The following SEPTIN9 variants were observed in gnomAD, a reference collection of about 807,000 sequenced individuals.
The protein encoded by SEPTIN9 is septin 9.
SEPTIN9 carries 13 observed loss-of-function variants against 56.6 expected under a neutral mutation model. That is an observed-to-expected ratio of 0.23 (90% CI 0.15 to 0.37). SEPTIN9 has a LOEUF of 0.37. Ranked by LOEUF, SEPTIN9 falls within the 10% of genes least tolerant of loss-of-function variation. The pLI is 1.00. For synonymous variants in SEPTIN9, 332 were observed against 334.1 expected (o/e 0.99, Z 0.07); for missense variants, 650 against 823.1 (o/e 0.79, Z 2.57).
chr17:77,358,003 C>T (rs1409611267), intron 2 of SEPTIN9, among the ~76,000 whole-genome samples: 1 of 152,194 alleles, frequency 6.6e-6, no homozygotes, highest in Non-Finnish European at 1.5e-5. Context: ...TGAGGGCTAC[C>T]AGTTACCAAG....
At chr17:77,460,085 C>A (rs2038397662) in intron 3 of SEPTIN9, among the ~76,000 whole-genome samples, 1 of 147,836 alleles carries the variant, frequency 6.8e-6, no homozygotes, top group Admixed American at 6.8e-5. Context: ...CCCCCCCAGG[C>A]CTTACCTCCA....
At chr17:77,430,990 C>CAA (rs144630121) in intron 3 of SEPTIN9, among the ~76,000 whole-genome samples, 6 of 127,020 alleles carry the variant, frequency 4.7e-5, no homozygotes, top group Non-Finnish European at 5.1e-5. Flanking sequence ...TACTCCGTAT[C>CAA]AAAAAAAAAA....
At chr17:77,493,134 C>A (rs312797) in intron 10 of SEPTIN9, 58 bp downstream of exon 10, 1 of 1,366,776 alleles carries the variant, frequency 7.3e-7, no homozygotes, top group Non-Finnish European at 1.0e-6. Flanking sequence ...CTTCTGCTGA[C>A]CCAGAGCCTG....
intron 2 of SEPTIN9, among the ~76,000 whole-genome samples, chr17:77,322,389 G>C (rs2032970023): frequency 6.6e-6 from 1 of 152,248 alleles, no homozygotes; most frequent in African/African-American, 2.4e-5. Context: ...GTGCCTTGAT[G>C]AAAGATGCTT....
intron 3 of SEPTIN9, among the ~76,000 whole-genome samples, chr17:77,448,033 C>T (rs149511889): frequency 4.9e-4 from 74 of 152,252 alleles, no homozygotes; most frequent in African/African-American, 1.6e-3. Flanking sequence ...TGAGAGATGC[C>T]GCTGTGTGTT....
At position 77,317,907 on chromosome 17, in the gene SEPTIN9, C is replaced by T. The variant is rs986141812; in HGVS notation, c.76+10710C>T. Among the ~76,000 whole-genome samples, 12 of 152,046 alleles carry T rather than the reference C, an allele frequency of 7.9e-5. No individual in the cohort carries two copies. Among genetic ancestry groups the T allele is most frequent in the Non-Finnish European group, 1.0e-4 (7 of 67,972 alleles). On this transcript the variant is annotated intron_variant, in intron 2 of 11. Coordinates refer to ENST00000427177, the MANE Select transcript of SEPTIN9 (RefSeq NM_001113491.2). This position sits in a 1 kb window ranked among gnomAD's most constrained non-coding sequence, Gnocchi z 4.2. The stretch of plus-strand genomic sequence containing the variant: ...TTCTACTAAAAATACAAAAATTAGC[C>T]GGACACGGTGGCAGGCGTCTGTAGT...
chr17:77,481,921 C>T (rs2039471293), intron 3 of SEPTIN9: 2 of 587,038 alleles, frequency 3.4e-6, no homozygotes, highest in Non-Finnish European at 6.1e-6. Flanking sequence ...TGGAGCTTTG[C>T]TGGGGAGGCA....
chr17:77,362,994 G>A (rs556927407), intron 2 of SEPTIN9, among the ~76,000 whole-genome samples: 8 of 152,354 alleles, frequency 5.3e-5, no homozygotes, highest in South Asian at 2.1e-4. Context: ...GTGGGGAAGT[G>A]TGAGCCCCTG....
intron 3 of SEPTIN9, among the ~76,000 whole-genome samples, chr17:77,462,281 G>T (rs2038511801): frequency 6.6e-6 from 1 of 152,168 alleles, no homozygotes; most frequent in Non-Finnish European, 1.5e-5. Flanking sequence ...TCTGTCGCAC[G>T]TCCAGGCTGG....
At chr17:77,413,163 G>T (rs2036366249) in intron 3 of SEPTIN9, among the ~76,000 whole-genome samples, 1 of 151,590 alleles carries the variant, frequency 6.6e-6, no homozygotes, top group Admixed American at 6.6e-5. Flanking sequence ...TGCTGGCTTA[G>T]CAAAAACAAT....
At chr17:77,411,894 C>T (rs1464890520) in intron 3 of SEPTIN9, among the ~76,000 whole-genome samples, 2 of 151,938 alleles carry the variant, frequency 1.3e-5, no homozygotes, top group Non-Finnish European at 2.9e-5. Context: ...CTTTGGGAGG[C>T]CAAGGCGGGC....
rs886728417 is a variant in SEPTIN9 at position 77,436,348 on chromosome 17, C to T, written c.721+33645C>T. Among the ~76,000 whole-genome samples the T allele has an allele frequency of 5.9e-5, 9 of 152,364 alleles. No individual in the cohort carries two copies. The South Asian group carries it at 1.0e-3, about 18-fold the overall frequency. ...CATTCCACCGACTTCTGCAGCCCAG[C>T]TGTTCAGAGCGGATCCAGAAGGTGG... On this transcript the variant is annotated intron_variant, in intron 3 of 11. Transcript: ENST00000427177. This position sits in a 1 kb window ranked among gnomAD's most constrained non-coding sequence, Gnocchi z 4.4.
At chr17:77,286,084 T>C (rs1338292287) in intron 1 of SEPTIN9, among the ~76,000 whole-genome samples, 1 of 152,252 alleles carries the variant, frequency 6.6e-6, no homozygotes, top group African/African-American at 2.4e-5. Flanking sequence ...CTCTGGCGCA[T>C]TCAGGGGACC....
chr17:77,345,860 C>T (rs1418016427), intron 2 of SEPTIN9, among the ~76,000 whole-genome samples: 3 of 152,186 alleles, frequency 2.0e-5, no homozygotes, highest in Non-Finnish European at 4.4e-5. Context: ...CGGGGCCTGG[C>T]AGGATGTATG....
At chr17:77,353,625 G>A (rs993712198) in intron 2 of SEPTIN9, among the ~76,000 whole-genome samples, 2 of 152,076 alleles carry the variant, frequency 1.3e-5, no homozygotes, top group Non-Finnish European at 2.9e-5. Context: ...TTGGGGATAT[G>A]TCTACTAGAG....
chr17:77,457,576 A>C lies in SEPTIN9; in HGVS notation c.722-24568A>C, dbSNP rs200406027. 2.3e-3 allele frequency among the ~76,000 whole-genome samples: 352 copies of C among 152,342 alleles called. 12 individuals carry two copies. In the South Asian group the frequency reaches 0.058, roughly 25 times the overall value. ...GGGTCCCAGTCCAAGTTGTGGCCTC[A>C]AACCCTGTGACCAAGAGTGGAGAAA... On this transcript the variant is annotated intron_variant, in intron 3 of 11. Transcript: ENST00000427177.
intron 2 of SEPTIN9, among the ~76,000 whole-genome samples, chr17:77,378,502 A>T (rs1427092423): frequency 1.3e-5 from 2 of 152,074 alleles, no homozygotes; most frequent in Non-Finnish European, 2.9e-5. Flanking sequence ...CTGGTGTGGC[A>T]TCTGGGCGGG....
chr17:77,356,419 G>C (rs1005261844), intron 2 of SEPTIN9, among the ~76,000 whole-genome samples: 2 of 151,830 alleles, frequency 1.3e-5, no homozygotes, highest in Admixed American at 1.3e-4. Context: ...ACTCCCAGTG[G>C]CTCCGTGAAC....
chr17:77,339,741 C>G (rs1466310851), intron 2 of SEPTIN9, among the ~76,000 whole-genome samples: 1 of 151,916 alleles, frequency 6.6e-6, no homozygotes, highest in Admixed American at 6.6e-5. Context: ...AACTCCTGAC[C>G]TCAGGTGATC....
Sources: allele counts gnomAD v4.1 joint callset (sites outside exome capture counted in the v4.1 genomes callset), GRCh38; gene constraint gnomAD v4.1.1; non-coding constraint Gnocchi (gnomAD v3.1); transcripts MANE v1.5; gene names NCBI Gene and HGNC (gene_info 2026-07-23, HGNC 2026-07-21).